The following PTPRG variants were observed in gnomAD, a reference collection of about 807,000 sequenced individuals.
PTPRG encodes receptor-type tyrosine-protein phosphatase gamma.
A neutral mutation model predicts 165.3 loss-of-function variants in PTPRG; 102 were observed. That is an observed-to-expected ratio of 0.62 (90% CI 0.53 to 0.73). The LOEUF (loss-of-function observed/expected upper bound fraction) is 0.73. Ranked by LOEUF, PTPRG falls within the 30% of genes least tolerant of loss-of-function variation. The probability of loss-of-function intolerance (pLI) is 0.00; values close to 1 mark genes in which losing one functional copy is unlikely to be tolerated. For missense variants in PTPRG, 1,866 were observed against 1,861.4 expected, an observed-to-expected ratio of 1.00 and a Z score of -0.05; for synonymous variants, 675 against 669.5, an observed-to-expected ratio of 1.01 and a Z score of -0.13.
At chr3:61,807,204 CAG>C (rs146385898) in intron 2 of PTPRG, among the ~76,000 whole-genome samples, 6,646 of 152,088 alleles carry the variant, frequency 0.044, 211 homozygotes, top group South Asian at 0.17. Flanking sequence ...TACCATTGGT[CAG>C]GGGAAAAATG....
chr3:61,746,959 C>G (rs984390777), intron 1 of PTPRG, among the ~76,000 whole-genome samples: 48 of 152,080 alleles, frequency 3.2e-4, no homozygotes, highest in Non-Finnish European at 5.7e-4. Context: ...TTAAGATCAG[C>G]TACAAAAATA....
chr3:61,708,637 T>G lies in PTPRG; in HGVS notation c.86-40241T>G, dbSNP rs558011227. Among the ~76,000 whole-genome samples the G allele has an allele frequency of 4.0e-5, 6 of 151,844 alleles. No individual in the cohort carries two copies. The East Asian group carries it at 1.2e-3, about 29-fold the overall frequency. ...GCCCAGCTAATTTTTTTGTAATTTTTTAGTAGAGATGGGGTTTCACTGTGT... is the reference window on the plus strand; with the variant it reads ...GCCCAGCTAATTTTTTTGTAATTTTGTAGTAGAGATGGGGTTTCACTGTGT... On this transcript the variant is annotated intron_variant, in intron 1 of 29. Coordinates refer to ENST00000474889, the MANE Select transcript of PTPRG (RefSeq NM_002841.4).
At chr3:62,277,495 C>G (rs1454458712) in intron 25 of PTPRG, 56 bp from the exon 26 acceptor site, 3 of 1,568,718 alleles carry the variant, frequency 1.9e-6, no homozygotes, top group Admixed American at 1.7e-5. Context: ...TTTACTACCA[C>G]AAAGTTAGAA....
chr3:62,218,864 C>T lies in PTPRG; in HGVS notation c.2169C>T (p.Thr723=), dbSNP rs1256352434. ...FITVNPAEKN[T]SGMISRPAPG... ...TTCTCTTGGCAGCGGAAAAAAACAC[C>T]TCTGGAATGATAAGCCGCCCTGCTC... The change falls in exon 13 of 30, where the codon ACC becomes ACT. Residue 723 remains threonine, a synonymous_variant. Coordinates refer to ENST00000474889, the MANE Select transcript of PTPRG (RefSeq NM_002841.4). 1.2e-6 allele frequency: 2 copies of T among 1,613,778 alleles called. No homozygotes were observed. Among genetic ancestry groups the T allele is most frequent in the East Asian group, 2.2e-5 (1 of 44,868 alleles).
At chr3:61,903,783 T>C (rs533585016) in intron 2 of PTPRG, among the ~76,000 whole-genome samples, 15 of 152,332 alleles carry the variant, frequency 9.8e-5, no homozygotes, top group African/African-American at 3.6e-4. Context: ...TATAAACATA[T>C]AGTGTGTATA....
intron 2 of PTPRG, among the ~76,000 whole-genome samples, chr3:61,938,131 A>C (rs2039523831): frequency 1.3e-5 from 2 of 151,988 alleles, no homozygotes; most frequent in Non-Finnish European, 2.9e-5. Flanking sequence ...CTTTGCATTT[A>C]AATTTCTTTC....
intron 2 of PTPRG, among the ~76,000 whole-genome samples, chr3:61,868,315 A>G (rs2037467337): frequency 6.6e-6 from 1 of 152,166 alleles, no homozygotes; most frequent in Non-Finnish European, 1.5e-5. Flanking sequence ...ATCTTCTCAC[A>G]ATTTCTTGCC....
At chr3:62,184,669 A>ACGGT (rs1705799599) in intron 8 of PTPRG, among the ~76,000 whole-genome samples, 2 of 152,000 alleles carry the variant, frequency 1.3e-5, no homozygotes, top group South Asian at 4.2e-4. Context: ...CATCTCCCCC[A>ACGGT]CGGTCGTCTG....
At chr3:62,084,640 A>G (rs1701686607) in intron 5 of PTPRG, among the ~76,000 whole-genome samples, 1 of 152,176 alleles carries the variant, frequency 6.6e-6, no homozygotes, top group Admixed American at 6.5e-5. Context: ...AGAAGGCAGG[A>G]GGAGTTCTTG....
intron 1 of PTPRG, among the ~76,000 whole-genome samples, chr3:61,662,718 A>G (rs1702699387): frequency 6.6e-6 from 1 of 152,214 alleles, no homozygotes; most frequent in Non-Finnish European, 1.5e-5. Context: ...ATGTTGCAGA[A>G]CTAGGTAAGG....
intron 2 of PTPRG, among the ~76,000 whole-genome samples, chr3:61,763,229 T>C (rs1007675524): frequency 6.6e-6 from 1 of 151,882 alleles, no homozygotes; most frequent in African/African-American, 2.4e-5. Flanking sequence ...CCTACCCTTG[T>C]CATCATTTTC....
intron 1 of PTPRG, among the ~76,000 whole-genome samples, chr3:61,590,128 C>T (rs1700530440): frequency 6.6e-6 from 1 of 151,428 alleles, no homozygotes; most frequent in African/African-American, 2.4e-5. Context: ...AGGATGGCAT[C>T]ATCTTCTATT....
chr3:62,003,529 T>C, intron 4 of PTPRG, 32 bp downstream of exon 4: 1 of 1,610,816 alleles, frequency 6.2e-7, no homozygotes. Flanking sequence ...AACGTGTAGC[T>C]GTGCTTCGGT....
intron 5 of PTPRG, among the ~76,000 whole-genome samples, chr3:62,089,762 A>AT (rs57347347): frequency 3.3e-5 from 5 of 152,240 alleles, no homozygotes; most frequent in Non-Finnish European, 5.9e-5. Flanking sequence ...AAGTTGTATG[A>AT]TTTTTTTGTG....
chr3:61,763,749 T>C (rs1459924557), intron 2 of PTPRG, among the ~76,000 whole-genome samples: 1 of 152,136 alleles, frequency 6.6e-6, no homozygotes, highest in East Asian at 1.9e-4. Context: ...GTGTTTACTT[T>C]TGAAGTGAAA....
intron 24 of PTPRG, 60 bp from the exon 25 acceptor site, chr3:62,276,912 C>A: frequency 8.0e-7 from 1 of 1,254,346 alleles, no homozygotes; most frequent in Non-Finnish European, 1.2e-6. Flanking sequence ...TCAGAAAGAG[C>A]TGTTGGTTCT....
Position 62,203,470 on chromosome 3 carries a change from T to G in PTPRG, c.1675T>G (p.Leu559Val). 6.3e-7 allele frequency: 1 copy of G among 1,580,736 alleles called. No homozygotes were observed. Residue 559 changes from leucine to valine, a missense_variant, in exon 12 of 30, where the codon TTG (leucine) becomes GTG (valine). By Grantham distance (32) the Leu-to-Val change is conservative. Transcript: ENST00000474889. The surrounding 1 kb of genome is among the most constrained non-coding windows in gnomAD (Gnocchi z 6.4). ...ARPVLATTEA[L>V]ASPGPDGDSS... ...GCCAGTCCTAGCCACCACAGAGGCC[T>G]TGGCTTCTCCAGGGCCCGATGGTGA...
At chr3:62,037,099 A>C (rs139125505) in intron 4 of PTPRG, among the ~76,000 whole-genome samples, 3,462 of 152,322 alleles carry the variant, frequency 0.023, 57 homozygotes, top group South Asian at 0.062. Context: ...TGGCTTTATC[A>C]GAGAAGTACT....
intron 16 of PTPRG, among the ~76,000 whole-genome samples, chr3:62,261,464 G>C (rs1444152050): frequency 6.6e-6 from 1 of 152,070 alleles, no homozygotes; most frequent in Non-Finnish European, 1.5e-5. Context: ...TTAAACCAGT[G>C]TTTTCCAAAC....
Sources: allele counts gnomAD v4.1 joint callset (sites outside exome capture counted in the v4.1 genomes callset), GRCh38; gene constraint gnomAD v4.1.1; non-coding constraint Gnocchi (gnomAD v3.1); transcripts MANE v1.5; gene names NCBI Gene and HGNC (gene_info 2026-07-23, HGNC 2026-07-21).